Variants in CDKAL1 observed in about 807,000 individuals in gnomAD.
CDKAL1 encodes the protein threonylcarbamoyladenosine tRNA methylthiotransferase.
Under a neutral mutation model 68.2 loss-of-function variants are expected in CDKAL1, and 32 were observed. That is an observed-to-expected ratio of 0.47 (90% CI 0.35 to 0.63). CDKAL1 has a LOEUF of 0.63. CDKAL1 is among the 30% of genes least tolerant of loss of function. The pLI is 0.00. For missense variants in CDKAL1, 606 were observed against 696.7 expected (o/e 0.87, Z 1.47); for synonymous variants, 234 against 244.3 (o/e 0.96, Z 0.39).
intron 5 of CDKAL1, among the ~76,000 whole-genome samples, chr6:20,685,243 G>GT (rs1562024504): frequency 6.6e-6 from 1 of 152,134 alleles, no homozygotes; most frequent in Admixed American, 6.5e-5. Context: ...TTCTACCACC[G>GT]TTTTTTGAAG....
At chr6:20,713,857 CTG>C (rs1272535924) in intron 5 of CDKAL1, among the ~76,000 whole-genome samples, 1 of 152,008 alleles carries the variant, frequency 6.6e-6, no homozygotes, top group Non-Finnish European at 1.5e-5. Flanking sequence ...AGCCACCTAC[CTG>C]TTTTGGTTTT....
intron 9 of CDKAL1, among the ~76,000 whole-genome samples, chr6:20,871,976 C>G (rs1011349597): frequency 6.6e-6 from 1 of 152,114 alleles, no homozygotes; most frequent in Non-Finnish European, 1.5e-5. Flanking sequence ...TTGGCCCAAT[C>G]TTGAGTAGAT....
At chr6:21,003,571 TAAAA>T (rs1022025221) in intron 11 of CDKAL1, among the ~76,000 whole-genome samples, 2 of 150,286 alleles carry the variant, frequency 1.3e-5, no homozygotes, top group African/African-American at 4.9e-5. Flanking sequence ...ATCTCAAAAA[TAAAA>T]AAAGAAAGAA....
chr6:21,162,152 T>C (rs1459586642), intron 13 of CDKAL1, among the ~76,000 whole-genome samples: 2 of 152,250 alleles, frequency 1.3e-5, no homozygotes, highest in African/African-American at 4.8e-5. Flanking sequence ...GAGTGAATTC[T>C]AATTTGCCAA....
chr6:20,812,105 T>C (rs1301940880), intron 8 of CDKAL1, among the ~76,000 whole-genome samples: 3 of 152,200 alleles, frequency 2.0e-5, no homozygotes, highest in African/African-American at 7.2e-5. Flanking sequence ...GGAATTCCTC[T>C]GAAAAGAATT....
intron 4 of CDKAL1, among the ~76,000 whole-genome samples, chr6:20,603,455 C>A (rs1766193094): frequency 2.0e-5 from 3 of 152,174 alleles, no homozygotes; most frequent in Admixed American, 2.0e-4. Flanking sequence ...TCCTTTGATA[C>A]CAACTTCTGT....
At chr6:20,970,844 T>C (rs984222287) in intron 10 of CDKAL1, among the ~76,000 whole-genome samples, 5 of 152,156 alleles carry the variant, frequency 3.3e-5, no homozygotes, top group African/African-American at 4.8e-5. Flanking sequence ...TTTCTGTTTT[T>C]TGTTTTGTTT....
chr6:20,624,688 CTG>C (rs927420770), intron 4 of CDKAL1, among the ~76,000 whole-genome samples: 5 of 151,902 alleles, frequency 3.3e-5, no homozygotes, highest in Non-Finnish European at 5.9e-5. Flanking sequence ...GAAAAAAAAA[CTG>C]TGGCATGAAC....
chr6:20,721,018 T>A (rs1467768485), intron 5 of CDKAL1, among the ~76,000 whole-genome samples: 3 of 152,224 alleles, frequency 2.0e-5, no homozygotes, highest in Non-Finnish European at 4.4e-5. Flanking sequence ...ACGTGCAGGT[T>A]TGTTACATAT....
intron 9 of CDKAL1, among the ~76,000 whole-genome samples, chr6:20,899,212 C>T (rs1452143002): frequency 1.3e-5 from 2 of 151,792 alleles, no homozygotes; most frequent in Non-Finnish European, 2.9e-5. Context: ...CTACAGGTGC[C>T]CGCCACCACA....
chr6:21,156,588 G>A (rs757870304), intron 13 of CDKAL1, among the ~76,000 whole-genome samples: 21 of 152,086 alleles, frequency 1.4e-4, no homozygotes, highest in Admixed American at 6.6e-5. Context: ...AAGGGAAAGA[G>A]AAAGGAAAGT....
intron 5 of CDKAL1, among the ~76,000 whole-genome samples, chr6:20,734,835 T>A (rs989404000): frequency 6.7e-6 from 1 of 149,008 alleles, no homozygotes; most frequent in African/African-American, 2.5e-5. Flanking sequence ...CCCAAAGAGC[T>A]GGGATAAAGG....
At chr6:20,770,975 A>T (rs959017826) in intron 7 of CDKAL1, among the ~76,000 whole-genome samples, 1 of 152,162 alleles carries the variant, frequency 6.6e-6, no homozygotes, top group Non-Finnish European at 1.5e-5. Flanking sequence ...CTGTACTTAG[A>T]AACATCTGCC....
rs1007126080 is a variant in CDKAL1, at chr6:21,009,372, A to G, written c.1055+9000A>G. ...ACATGCCATCTCCTGGACATTTAATACAACATTCTATAGTCAATATCGCCT... is the reference window on the plus strand; with the variant it reads ...ACATGCCATCTCCTGGACATTTAATGCAACATTCTATAGTCAATATCGCCT... On this transcript the variant is annotated intron_variant, in intron 11 of 15. Coordinates refer to ENST00000274695, the MANE Select transcript of CDKAL1 (RefSeq NM_017774.3). Among the ~76,000 whole-genome samples, 5 of 152,238 alleles carry G rather than the reference A, an allele frequency of 3.3e-5. No homozygotes were observed. In the East Asian group the frequency reaches 5.8e-4, roughly 18 times the overall value.
At chr6:21,067,597 A>G (rs1228717271) in intron 12 of CDKAL1, among the ~76,000 whole-genome samples, 1 of 152,208 alleles carries the variant, frequency 6.6e-6, no homozygotes, top group Non-Finnish European at 1.5e-5. Flanking sequence ...CCTGGGCGAC[A>G]GAGCAAGACT....
At position 20,659,147 on chromosome 6, in the gene CDKAL1, T is replaced by A. The variant is rs529161377; in HGVS notation, c.371+9770T>A. On this transcript the variant is annotated intron_variant, in intron 5 of 15. Transcript: ENST00000274695. ...ACCTTGCCTGACTTCCAAAATTAATTTTTAATTAAAAAAATTTTGTCATTA... is the reference window on the plus strand; with the variant it reads ...ACCTTGCCTGACTTCCAAAATTAATATTTAATTAAAAAAATTTTGTCATTA... 1.8e-3 allele frequency among the ~76,000 whole-genome samples: 277 copies of A among 152,112 alleles called. 3 individuals carry two copies. The highest frequency in any genetic ancestry group is 6.5e-3 in the African/African-American group (269 of 41,394).
At chr6:21,069,543 G>T (rs983099918) in intron 12 of CDKAL1, among the ~76,000 whole-genome samples, 2 of 151,832 alleles carry the variant, frequency 1.3e-5, no homozygotes, top group African/African-American at 4.8e-5. Context: ...TATTTCTGTT[G>T]TCTTGGTTAT....
At chr6:21,095,577 C>T (rs1457613909) in intron 12 of CDKAL1, among the ~76,000 whole-genome samples, 1 of 151,322 alleles carries the variant, frequency 6.6e-6, no homozygotes, top group African/African-American at 2.4e-5. Context: ...CCCCAACCCC[C>T]CTCCTACCCC....
intron 13 of CDKAL1, among the ~76,000 whole-genome samples, chr6:21,176,861 A>AT (rs70993209): frequency 9.3e-5 from 14 of 150,730 alleles, no homozygotes; most frequent in Admixed American, 7.2e-4. Flanking sequence ...TGCCCAGCTA[A>AT]TTTTTTTTTG....
Sources: allele counts gnomAD v4.1 joint callset (sites outside exome capture counted in the v4.1 genomes callset), GRCh38; gene constraint gnomAD v4.1.1; transcripts MANE v1.5; gene names NCBI Gene and HGNC (gene_info 2026-07-23, HGNC 2026-07-21).